SHC4: variants seen among roughly 807,000 people sequenced by gnomAD.
SHC4 encodes the protein SHC adaptor protein 4.
Under a neutral mutation model 69.4 loss-of-function variants are expected in SHC4, and 41 were observed. The observed-to-expected ratio is 0.59, with a 90% CI of 0.46 to 0.77. The LOEUF is 0.77. Among genes scored for constraint, SHC4 ranks in the 30% least tolerant of loss-of-function variants. The pLI, the probability that SHC4 is intolerant of heterozygous loss-of-function variation, is 0.00. For synonymous variants in SHC4, 318 were observed against 299.3 expected (o/e 1.06, Z -0.64); for missense variants, 777 against 783.8 (o/e 0.99, Z 0.10).
At chr15:48,852,859 G>A (rs1229360982) in intron 8 of SHC4, among the ~76,000 whole-genome samples, 5 of 151,118 alleles carry the variant, frequency 3.3e-5, no homozygotes, top group East Asian at 1.9e-4. Flanking sequence ...CCGAGATCAC[G>A]CCACTGCACT....
At chr15:48,902,900 T>A (rs1900342075) in intron 2 of SHC4, among the ~76,000 whole-genome samples, 1 of 152,218 alleles carries the variant, frequency 6.6e-6, no homozygotes, top group Non-Finnish European at 1.5e-5. Flanking sequence ...CATGTTTCAA[T>A]ATCCAGCCTG....
chr15:48,961,012 A>G (rs1048493633), intron 1 of SHC4, among the ~76,000 whole-genome samples: 1 of 152,192 alleles, frequency 6.6e-6, no homozygotes, highest in Non-Finnish European at 1.5e-5. Context: ...ATGATTTGAA[A>G]TGATCTGCTT....
chr15:48,960,954 C>G (rs570816435), intron 1 of SHC4, among the ~76,000 whole-genome samples: 4 of 152,100 alleles, frequency 2.6e-5, no homozygotes, highest in African/African-American at 9.6e-5. Context: ...ACAAAATAAT[C>G]AATCTACCCA....
intron 1 of SHC4, among the ~76,000 whole-genome samples, chr15:48,951,678 G>A (rs1246596715): frequency 6.6e-6 from 1 of 152,096 alleles, no homozygotes; most frequent in Non-Finnish European, 1.5e-5. Context: ...TGCCTAGGAT[G>A]TTCTCTCTCC....
chr15:48,956,416 T>C (rs1901454853), intron 1 of SHC4, among the ~76,000 whole-genome samples: 1 of 152,202 alleles, frequency 6.6e-6, no homozygotes, highest in Admixed American at 6.5e-5. Flanking sequence ...CAAGGCCTTT[T>C]TCTCTTGGCT....
intron 1 of SHC4, among the ~76,000 whole-genome samples, chr15:48,935,083 A>T (rs1901041909): frequency 6.6e-6 from 1 of 152,214 alleles, no homozygotes. Context: ...TATGTGAATT[A>T]CATCTCAATA....
chr15:48,899,075 CT>C, intron 2 of SHC4, among the ~76,000 whole-genome samples: 1 of 150,034 alleles, frequency 6.7e-6, no homozygotes, highest in Middle Eastern at 3.5e-3. Flanking sequence ...GAAAACAGGT[CT>C]TACTTAGTCA....
At chr15:48,861,441 CT>C (rs1391736523) in intron 6 of SHC4, among the ~76,000 whole-genome samples, 1 of 152,180 alleles carries the variant, frequency 6.6e-6, no homozygotes, top group Non-Finnish European at 1.5e-5. Flanking sequence ...TGCTATGTTG[CT>C]CTATGGAAAT....
chr15:48,961,587 G>C lies in SHC4; in HGVS notation c.585+844C>G, dbSNP rs551472925. 2.6e-5 allele frequency among the ~76,000 whole-genome samples: 4 copies of C among 152,150 alleles called. No individual in the cohort carries two copies. The South Asian group carries it at 8.3e-4, about 32-fold the overall frequency. On this transcript the variant is annotated intron_variant, in intron 1 of 11. Coordinates refer to ENST00000332408, the MANE Select transcript of SHC4 (RefSeq NM_203349.4). The stretch of plus-strand genomic sequence containing the variant: ...TTCCAAGATTCATCTTCTCCTGAGG[G>C]TTCCCCATGTGAATGAATCCCAGAT...
intron 1 of SHC4, among the ~76,000 whole-genome samples, chr15:48,926,224 C>T (rs1039244188): frequency 1.3e-5 from 2 of 152,242 alleles, no homozygotes; most frequent in East Asian, 1.9e-4. Context: ...CCCAGAAGAG[C>T]TTTGGTTGAG....
chr15:48,898,793 A>C (rs1000252780), intron 2 of SHC4, among the ~76,000 whole-genome samples: 1 of 152,178 alleles, frequency 6.6e-6, no homozygotes. Context: ...TCAAACACCT[A>C]CACCCACAAA....
chr15:48,885,966 T>C (rs955094133), intron 3 of SHC4, among the ~76,000 whole-genome samples: 1 of 152,184 alleles, frequency 6.6e-6, no homozygotes, highest in African/African-American at 2.4e-5. Context: ...GTTTAAAAAA[T>C]ATTATTGTGA....
rs1036941960 is a variant in SHC4 at position 48,962,538 on chromosome 15, G to A, written c.478C>T (p.Pro160Ser). ...GGGCCAGGAAGCGGGCACGAATCAG[G>A]GGTTAGGGCGGTTGCCCTGTGTCCC... ...LVGHRATALT[P>S]DSCPLPGPGE... Residue 160 changes from proline to serine, a missense_variant, in exon 1 of 12, where the codon CCT (proline) becomes TCT (serine). Pro to Ser is a moderately conservative substitution (Grantham distance 74). Coordinates refer to ENST00000332408, the MANE Select transcript of SHC4 (RefSeq NM_203349.4). 7 of 1,602,370 alleles carry A rather than the reference G, an allele frequency of 4.4e-6. No homozygotes were observed. Among genetic ancestry groups the A allele is most frequent in the Non-Finnish European group, 6.0e-6 (7 of 1,173,804 alleles).
At chr15:48,931,120 C>T (rs1187131990) in intron 1 of SHC4, among the ~76,000 whole-genome samples, 3 of 152,208 alleles carry the variant, frequency 2.0e-5, no homozygotes, top group African/African-American at 7.2e-5. Flanking sequence ...TCCTCATCTT[C>T]TCTGACTATT....
chr15:48,916,212 G>A (rs1220374610), intron 2 of SHC4, among the ~76,000 whole-genome samples: 1 of 150,998 alleles, frequency 6.6e-6, no homozygotes, highest in Admixed American at 6.6e-5. Flanking sequence ...AAAACCACAT[G>A]TACAGGACTT....
intron 8 of SHC4, 145 bp from the exon 9 acceptor site, chr15:48,851,393 G>T (rs1899212194): frequency 2.7e-6 from 2 of 735,928 alleles, no homozygotes; most frequent in Non-Finnish European, 4.5e-6. Context: ...AAAAGAAAAT[G>T]GATATTTGGG....
At chr15:48,896,360 G>A (rs35360931) in intron 2 of SHC4, among the ~76,000 whole-genome samples, 3 of 143,180 alleles carry the variant, frequency 2.1e-5, no homozygotes, top group African/African-American at 5.2e-5. Context: ...TCACTCTGTC[G>A]GCCAGGCTGG....
intron 1 of SHC4, among the ~76,000 whole-genome samples, chr15:48,934,292 T>C (rs1901026832): frequency 6.6e-6 from 1 of 152,082 alleles, no homozygotes; most frequent in Non-Finnish European, 1.5e-5. Context: ...AACAGACATT[T>C]CTCCAAGAAA....
chr15:48,830,070 T>C (rs1898768545), intron 11 of SHC4, among the ~76,000 whole-genome samples: 1 of 152,220 alleles, frequency 6.6e-6, no homozygotes, highest in Non-Finnish European at 1.5e-5. Flanking sequence ...AGAAGAACTA[T>C]TACCATTCTA....
Sources: gnomAD v4.1 joint callset for allele counts (sites outside exome capture counted in the v4.1 genomes callset) on GRCh38, gnomAD v4.1.1 for gene constraint, MANE v1.5 for transcripts, NCBI Gene and HGNC (gene_info 2026-07-23, HGNC 2026-07-21) for gene names.